The following KHDRBS1 variants were observed in gnomAD, a reference collection of about 807,000 sequenced individuals.
The protein encoded by KHDRBS1 is KH domain-containing, RNA-binding, signal transduction-associated protein 1.
In KHDRBS1, 7 loss-of-function variants were observed where a neutral mutation model predicts 48.4. The ratio of observed to expected loss-of-function variants is 0.14; its 90% confidence interval spans 0.08 to 0.27. The LOEUF (loss-of-function observed/expected upper bound fraction) is 0.27. KHDRBS1 is among the 10% of genes least tolerant of loss of function. KHDRBS1 has a pLI of 1.00. For synonymous variants in KHDRBS1, 241 were observed against 235.8 expected, an observed-to-expected ratio of 1.02 and a Z score of -0.20; for missense variants, 458 against 601.2, an observed-to-expected ratio of 0.76 and a Z score of 2.49.
chr1:32,037,148 G>A, intron 5 of KHDRBS1, 105 bp downstream of exon 5: 1 of 1,260,166 alleles, frequency 7.9e-7, no homozygotes, highest in East Asian at 2.4e-5. Flanking sequence ...CTCAGGATTT[G>A]TATGTTGCAT....
chr1:32,040,561 C>T (rs144176422), intron 8 of KHDRBS1, among the ~76,000 whole-genome samples: 4 of 152,348 alleles, frequency 2.6e-5, no homozygotes, highest in Admixed American at 2.6e-4. Context: ...GCTGCAACAG[C>T]AGCAGGACAA....
chr1:32,050,870 TG>T lies in KHDRBS1; in HGVS notation n.1301+5481del, dbSNP rs564067077. 1.8e-3 allele frequency among the ~76,000 whole-genome samples: 280 copies of T among 151,946 alleles called. 1 individual carries two copies. Among genetic ancestry groups the T allele is most frequent in the African/African-American group, 6.2e-3 (259 of 41,450 alleles). On this transcript the variant is annotated intron_variant and non_coding_transcript_variant, in intron 10 of 10. Transcript: ENST00000484270. ...TTCATTTTATGTTAACTTTTGTGTG[TG>T]TGGCCTGGGGTGGGGGTTCAAATTA...
Position 32,030,431 on chromosome 1 carries a change from A to C in KHDRBS1, c.507+9A>C. The C allele has an allele frequency of 6.3e-7, 1 of 1,596,562 alleles. No individual in the cohort carries two copies. The highest frequency in any genetic ancestry group is 1.4e-5 in the African/African-American group (1 of 73,896). The stretch of plus-strand genomic sequence containing the variant: ...TCAAGCAGTATCCCAAGGTAAGGCA[A>C]AAAGTGCTTTGGATCTTTGAGTTAT... On this transcript the variant is annotated intron_variant, in intron 2 of 8. Coordinates refer to ENST00000327300, the MANE Select transcript of KHDRBS1 (RefSeq NM_006559.3).
intron 1 of KHDRBS1, among the ~76,000 whole-genome samples, chr1:32,024,985 G>A (rs892459529): frequency 3.3e-5 from 5 of 151,624 alleles, no homozygotes; most frequent in African/African-American, 4.8e-5. Flanking sequence ...AAAAAAAGGC[G>A]GGGGGAGCAT....
chr1:32,041,329 A>G (rs1293812548), intron 8 of KHDRBS1, among the ~76,000 whole-genome samples: 2 of 152,238 alleles, frequency 1.3e-5, no homozygotes. Context: ...TTTGAGGCCT[A>G]TAGAGATGGA....
At chr1:32,028,478 G>GTA (rs201217950) in intron 1 of KHDRBS1, among the ~76,000 whole-genome samples, 1,558 of 144,294 alleles carry the variant, frequency 0.011, 10 homozygotes, top group Non-Finnish European at 0.016. Context: ...ATATATACAC[G>GTA]TATATATATA....
chr1:32,025,945 A>G (rs1290780708), intron 1 of KHDRBS1, among the ~76,000 whole-genome samples: 2 of 148,326 alleles, frequency 1.3e-5, no homozygotes, highest in South Asian at 2.1e-4. Context: ...TTATTTATTT[A>G]TTTATTTATT....
intron 10 of KHDRBS1, among the ~76,000 whole-genome samples, chr1:32,057,798 CAA>C (rs796350726): frequency 1.9e-4 from 25 of 128,768 alleles, no homozygotes; most frequent in African/African-American, 5.7e-4. Flanking sequence ...GACTCCATCT[CAA>C]AAAAAAAAAA....
downstream of KHDRBS1, among the ~76,000 whole-genome samples, chr1:32,047,511 G>A (rs1230569218): frequency 6.6e-6 from 1 of 152,064 alleles, no homozygotes; most frequent in African/African-American, 2.4e-5. Flanking sequence ...GGCAAGATTG[G>A]GTATCTGTCC....
downstream of KHDRBS1, among the ~76,000 whole-genome samples, chr1:32,047,890 A>C (rs35132510): frequency 6.6e-6 from 1 of 151,608 alleles, no homozygotes; most frequent in Non-Finnish European, 1.5e-5. Flanking sequence ...GGCAGCCACT[A>C]CTCTTTCTGT....
intron 1 of KHDRBS1, among the ~76,000 whole-genome samples, chr1:32,019,677 A>G (rs1337097576): frequency 6.6e-6 from 1 of 152,274 alleles, no homozygotes; most frequent in Non-Finnish European, 1.5e-5. Flanking sequence ...GACTACATAC[A>G]GTATAATACT....
At chr1:32,039,390 G>A in intron 7 of KHDRBS1, 125 bp from the exon 8 acceptor site, 1 of 677,544 alleles carries the variant, frequency 1.5e-6, no homozygotes, top group South Asian at 1.7e-5. Flanking sequence ...GTTTAGGGAT[G>A]GGGCAGAATG....
chr1:32,054,560 T>G (rs1639458695), intron 10 of KHDRBS1: 1 of 152,160 alleles, frequency 6.6e-6, no homozygotes, highest in South Asian at 2.1e-4. Context: ...TAAAAGAAAC[T>G]TCGCTCTTAA....
intron 10 of KHDRBS1, among the ~76,000 whole-genome samples, chr1:32,051,654 A>G (rs1037947819): frequency 7.2e-5 from 11 of 152,062 alleles, no homozygotes; most frequent in African/African-American, 2.7e-4. Context: ...CCCCCACCAC[A>G]GTTTCCATAG....
At chr1:32,024,776 G>A (rs1377885429) in intron 1 of KHDRBS1, among the ~76,000 whole-genome samples, 1 of 152,002 alleles carries the variant, frequency 6.6e-6, no homozygotes, top group Non-Finnish European at 1.5e-5. Context: ...ATAGTTCTAT[G>A]GTATTTGATA....
At chr1:32,049,956 C>T (rs989469861) in intron 10 of KHDRBS1, among the ~76,000 whole-genome samples, 2 of 152,106 alleles carry the variant, frequency 1.3e-5, no homozygotes, top group South Asian at 2.1e-4. Flanking sequence ...CCACCACGCC[C>T]GGCCTGTTTA....
At chr1:32,055,370 C>T (rs998723716) in intron 10 of KHDRBS1, among the ~76,000 whole-genome samples, 1 of 152,016 alleles carries the variant, frequency 6.6e-6, no homozygotes, top group African/African-American at 2.4e-5. Context: ...ATTGCTTGAA[C>T]CTGGGAGGCG....
chr1:32,020,820 G>GT (rs1181115119), intron 1 of KHDRBS1, among the ~76,000 whole-genome samples: 1 of 152,140 alleles, frequency 6.6e-6, no homozygotes, highest in African/African-American at 2.4e-5. Context: ...AACGGTGACT[G>GT]GCTATCAAAG....
At chr1:32,049,429 T>C (rs1351357552) in intron 10 of KHDRBS1, among the ~76,000 whole-genome samples, 1 of 151,606 alleles carries the variant, frequency 6.6e-6, no homozygotes, top group East Asian at 1.9e-4. Context: ...TTGTTCTTTT[T>C]TTTTTTTTTA....
Sources: gnomAD v4.1 joint callset for allele counts (sites outside exome capture counted in the v4.1 genomes callset) on GRCh38, gnomAD v4.1.1 for gene constraint, MANE v1.5 for transcripts, NCBI Gene and HGNC (gene_info 2026-07-23, HGNC 2026-07-21) for gene names.